TPO: variants seen among roughly 807,000 people sequenced by gnomAD.
TPO encodes thyroid microsomal antigen.
Under a neutral mutation model 96.9 loss-of-function variants are expected in TPO, and 78 were observed. The observed-to-expected ratio is 0.81, with a 90% confidence interval of 0.67 to 0.97. The LOEUF is 0.97. TPO is among the 50% of genes least tolerant of loss of function. The pLI is 0.00. For synonymous variants in TPO, 547 were observed against 538.0 expected (o/e 1.02, Z -0.23); for missense variants, 1,252 against 1,274.8 (o/e 0.98, Z 0.27).
At chr2:1,523,417 C>G (rs1675646175) in intron 15 of TPO, among the ~76,000 whole-genome samples, 1 of 146,992 alleles carries the variant, frequency 6.8e-6, no homozygotes, top group African/African-American at 2.5e-5. Context: ...AAATCCCTCC[C>G]ACTCTGTGCA....
intron 15 of TPO, among the ~76,000 whole-genome samples, chr2:1,532,371 G>C (rs1483986112): frequency 1.9e-5 from 1 of 53,420 alleles, no homozygotes; most frequent in Non-Finnish European, 3.4e-5. Flanking sequence ...ACCCCCCACA[G>C]TGCGCAACCT....
chr2:1,499,104 G>C (rs950089898), intron 13 of TPO, among the ~76,000 whole-genome samples: 2 of 152,108 alleles, frequency 1.3e-5, no homozygotes, highest in Admixed American at 6.5e-5. Context: ...CTACTCACAG[G>C]CATCTTCAAG....
At chr2:1,405,111 A>G (rs1455766360) in intron 1 of TPO, among the ~76,000 whole-genome samples, 1 of 123,762 alleles carries the variant, frequency 8.1e-6, no homozygotes, top group Non-Finnish European at 1.6e-5. Context: ...CACCCATTCA[A>G]TCATCATTCG....
At chr2:1,422,334 T>TCGCTGGACTGAC (rs1663707765) in intron 2 of TPO, among the ~76,000 whole-genome samples, 3 of 63,916 alleles carry the variant, frequency 4.7e-5, no homozygotes, top group Non-Finnish European at 1.1e-4. Flanking sequence ...TGCAGGCGCC[T>TCGCTGGACTGAC]CTCCTGGACC....
chr2:1,424,629 T>C (rs778839282), intron 3 of TPO, among the ~76,000 whole-genome samples: 2 of 152,224 alleles, frequency 1.3e-5, no homozygotes, highest in Non-Finnish European at 2.9e-5. Flanking sequence ...GGGAGACTAT[T>C]GGAAAGATTT....
intron 15 of TPO, among the ~76,000 whole-genome samples, chr2:1,523,181 C>G (rs1244509318): frequency 4.3e-5 from 6 of 139,252 alleles, no homozygotes; most frequent in South Asian, 2.4e-4. Context: ...GCAACCTCCT[C>G]AAATCCCCCC....
At chr2:1,381,588 C>T (rs1327961701) in intron 1 of TPO, among the ~76,000 whole-genome samples, 1 of 152,160 alleles carries the variant, frequency 6.6e-6, no homozygotes, top group Non-Finnish European at 1.5e-5. Context: ...ACAGACCAAA[C>T]CATATCGGAC....
intron 15 of TPO, among the ~76,000 whole-genome samples, chr2:1,527,829 T>C (rs1304692889): frequency 1.1e-3 from 29 of 25,282 alleles, no homozygotes; most frequent in African/African-American, 3.4e-3. Flanking sequence ...CAAATCCCCA[T>C]ACTGTGTGCA....
At chr2:1,531,980 G>C (rs1252470213) in intron 15 of TPO, among the ~76,000 whole-genome samples, 16 of 77,694 alleles carry the variant, frequency 2.1e-4, no homozygotes, top group African/African-American at 6.8e-4. Flanking sequence ...TCTCCCCACT[G>C]TGTGCAACCT....
intron 14 of TPO, among the ~76,000 whole-genome samples, chr2:1,511,333 G>T (rs1325633495): frequency 2.2e-3 from 7 of 3,208 alleles, no homozygotes; most frequent in African/African-American, 0.011. Flanking sequence ...CAGACTGGGG[G>T]TGCCACAGCG....
chr2:1,398,483 C>A (rs966770468), intron 1 of TPO, among the ~76,000 whole-genome samples: 2 of 152,210 alleles, frequency 1.3e-5, no homozygotes, highest in Non-Finnish European at 2.9e-5. Flanking sequence ...AAGCAAAGAC[C>A]ACTCCATGGG....
chr2:1,425,559 T>C (rs559324651), intron 3 of TPO, among the ~76,000 whole-genome samples: 4 of 152,136 alleles, frequency 2.6e-5, no homozygotes, highest in Non-Finnish European at 5.9e-5. Flanking sequence ...GATCATTTCA[T>C]ATCCTCAAAA....
intron 1 of TPO, among the ~76,000 whole-genome samples, chr2:1,403,218 G>A (rs1662197451): frequency 6.6e-6 from 1 of 152,166 alleles, no homozygotes; most frequent in Non-Finnish European, 1.5e-5. Flanking sequence ...CTTCTGGGGT[G>A]TGTGGGAGCT....
chr2:1,461,233 G>A (rs1291148338), intron 7 of TPO, among the ~76,000 whole-genome samples: 1 of 152,134 alleles, frequency 6.6e-6, no homozygotes, highest in Non-Finnish European at 1.5e-5. Flanking sequence ...GTTGTGGTGA[G>A]CCCCACACAC....
At chr2:1,466,870 G>A (rs933511195) in intron 7 of TPO, among the ~76,000 whole-genome samples, 1 of 151,788 alleles carries the variant, frequency 6.6e-6, no homozygotes, top group African/African-American at 2.4e-5. Context: ...TTTTGTTGTT[G>A]TTTCAATTTC....
intron 15 of TPO, among the ~76,000 whole-genome samples, chr2:1,524,902 C>A (rs1676070163): frequency 7.7e-6 from 1 of 129,590 alleles, no homozygotes; most frequent in Non-Finnish European, 1.7e-5. Flanking sequence ...CACTGTACAA[C>A]CTCCTCAAAT....
chr2:1,389,719 T>C (rs1185607430), intron 1 of TPO, among the ~76,000 whole-genome samples: 1 of 152,180 alleles, frequency 6.6e-6, no homozygotes, highest in African/African-American at 2.4e-5. Flanking sequence ...TCCTGGCATC[T>C]GATGTGTGGC....
rs147766157 is a variant in TPO at position 1,434,739 on chromosome 2, A to C, written c.349+1132A>C. 1.6e-3 allele frequency among the ~76,000 whole-genome samples: 249 copies of C among 152,350 alleles called. 1 individual carries two copies. The highest frequency in any genetic ancestry group is 6.8e-3 in the Middle Eastern group (2 of 294). Reference sequence around the variant, plus strand: ...CTATAATGTAGAACTTAAGAACTCCATAATTTAGAATTTTTTAAAATGATT... The same window carrying C: ...CTATAATGTAGAACTTAAGAACTCCCTAATTTAGAATTTTTTAAAATGATT... On this transcript the variant is annotated intron_variant, in intron 4 of 16. Transcript: ENST00000329066.
At chr2:1,505,774 T>C (rs1475623942) in intron 14 of TPO, among the ~76,000 whole-genome samples, 3 of 151,928 alleles carry the variant, frequency 2.0e-5, no homozygotes, top group Non-Finnish European at 4.4e-5. Context: ...GCTGTTCTCC[T>C]TTCTGTGTCC....
Sources: allele counts gnomAD v4.1 joint callset (sites outside exome capture counted in the v4.1 genomes callset), GRCh38; gene constraint gnomAD v4.1.1; transcripts MANE v1.5; gene names NCBI Gene and HGNC (gene_info 2026-07-23, HGNC 2026-07-21).